Variants in CRIM1 observed in about 807,000 individuals in gnomAD.
CRIM1 encodes cysteine rich transmembrane BMP regulator 1, also known as cysteine-rich motor neuron 1 protein.
CRIM1 carries 32 observed loss-of-function variants against 116.4 expected under a neutral mutation model. The observed-to-expected ratio is 0.27, with a 90% CI of 0.21 to 0.37. The LOEUF (loss-of-function observed/expected upper bound fraction) is 0.37, where lower values mean the gene tolerates loss of function less well. Among genes scored for constraint, CRIM1 ranks in the 10% least tolerant of loss-of-function variants. CRIM1 has a pLI of 1.00. For synonymous variants in CRIM1, 590 were observed against 509.2 expected, an observed-to-expected ratio of 1.16 and a Z score of -2.13; for missense variants, 1,331 against 1,354.8, an observed-to-expected ratio of 0.98 and a Z score of 0.28.
intron 2 of CRIM1, among the ~76,000 whole-genome samples, chr2:36,421,950 C>G (rs1009501861): frequency 1.3e-5 from 2 of 151,724 alleles, no homozygotes; most frequent in South Asian, 2.1e-4. Flanking sequence ...GGAGTCATAC[C>G]TGATTAATAA....
intron 4 of CRIM1, among the ~76,000 whole-genome samples, chr2:36,449,925 G>C (rs966827545): frequency 6.6e-6 from 1 of 151,830 alleles, no homozygotes; most frequent in African/African-American, 2.4e-5. Context: ...TAAACTACTA[G>C]AGTAATGATT....
intron 2 of CRIM1, among the ~76,000 whole-genome samples, chr2:36,423,807 C>G (rs1674251359): frequency 6.6e-6 from 1 of 152,110 alleles, no homozygotes. Flanking sequence ...TACTTATGCA[C>G]CAGGTATTAG....
chr2:36,418,330 G>C (rs1673781460), intron 2 of CRIM1, among the ~76,000 whole-genome samples: 1 of 152,068 alleles, frequency 6.6e-6, no homozygotes, highest in Non-Finnish European at 1.5e-5. Flanking sequence ...TTTTGAGATG[G>C]TCTCGCTCTG....
chr2:36,379,764 TAAAG>T (rs1256300165), intron 1 of CRIM1, among the ~76,000 whole-genome samples: 439 of 146,378 alleles, frequency 3.0e-3, no homozygotes, highest in Middle Eastern at 0.018. Context: ...TTTTTTTTTT[TAAAG>T]AAAAGCAATT....
intron 1 of CRIM1, among the ~76,000 whole-genome samples, chr2:36,390,795 GCTCCTGATACTTATTTTTA>G (rs1671515761): frequency 6.6e-6 from 1 of 152,000 alleles, no homozygotes. Flanking sequence ...GAGAAAACTT[GCTCCTGATACTTATTTTTA>G]TTTATTTATT....
chr2:36,383,781 A>G (rs1187076647), intron 1 of CRIM1, among the ~76,000 whole-genome samples: 1 of 152,214 alleles, frequency 6.6e-6, no homozygotes, highest in Admixed American at 6.5e-5. Flanking sequence ...TGGTAGTAGC[A>G]GCTTTCTAGG....
At chr2:36,501,233 G>A (rs150678566) in intron 8 of CRIM1, among the ~76,000 whole-genome samples, 7 of 152,250 alleles carry the variant, frequency 4.6e-5, no homozygotes, top group Admixed American at 2.6e-4. Flanking sequence ...TGGACTTAAC[G>A]TAGACAGATG....
At chr2:36,379,893 A>G (rs771996745) in intron 1 of CRIM1, among the ~76,000 whole-genome samples, 2 of 147,920 alleles carry the variant, frequency 1.4e-5, no homozygotes, top group African/African-American at 2.5e-5. Flanking sequence ...ATTAAAAGCA[A>G]TGGTTTGGTT....
At chr2:36,510,564 A>C (rs1335498535) in intron 9 of CRIM1, among the ~76,000 whole-genome samples, 1 of 152,208 alleles carries the variant, frequency 6.6e-6, no homozygotes, top group Non-Finnish European at 1.5e-5. Flanking sequence ...CTTGAAATAC[A>C]GTGCATCCTT....
At chr2:36,434,913 G>A (rs575181442) in intron 2 of CRIM1, among the ~76,000 whole-genome samples, 21 of 152,242 alleles carry the variant, frequency 1.4e-4, no homozygotes, top group Middle Eastern at 3.4e-3. Flanking sequence ...TTTCATGCAA[G>A]CCTGTGTTGC....
intron 7 of CRIM1, among the ~76,000 whole-genome samples, chr2:36,480,195 C>A (rs770931677): frequency 1.6e-4 from 25 of 152,194 alleles, no homozygotes; most frequent in Non-Finnish European, 3.1e-4. Flanking sequence ...TGCAATTCCT[C>A]TAGTGCTGTT....
intron 9 of CRIM1, 39 bp downstream of exon 9, chr2:36,510,178 C>A (rs1185377417): frequency 6.3e-7 from 1 of 1,577,002 alleles, no homozygotes; most frequent in Non-Finnish European, 8.7e-7. Context: ...TTATGAAGTG[C>A]AACTTGGTGA....
intron 12 of CRIM1, among the ~76,000 whole-genome samples, chr2:36,521,300 T>G (rs747712017): frequency 2.0e-5 from 3 of 152,194 alleles, no homozygotes; most frequent in Non-Finnish European, 4.4e-5. Context: ...TGCATCCTTA[T>G]GAGTGATTTA....
At chr2:36,439,753 C>G (rs1274734007) in intron 2 of CRIM1, among the ~76,000 whole-genome samples, 1 of 152,216 alleles carries the variant, frequency 6.6e-6, no homozygotes, top group East Asian at 1.9e-4. Flanking sequence ...TCTAAGCATT[C>G]CAATTCCCTC....
At chr2:36,497,718 A>G (rs1572871617) in intron 7 of CRIM1, among the ~76,000 whole-genome samples, 1 of 152,188 alleles carries the variant, frequency 6.6e-6, no homozygotes, top group African/African-American at 2.4e-5. Context: ...CTTGATACAT[A>G]TTTTTACTGG....
intron 14 of CRIM1, among the ~76,000 whole-genome samples, chr2:36,539,272 T>A (rs1233401778): frequency 1.3e-5 from 2 of 152,122 alleles, no homozygotes; most frequent in Admixed American, 6.5e-5. Flanking sequence ...GCAGAACCTC[T>A]GGGTATAGCC....
chr2:36,393,335 A>C (rs944506011), intron 1 of CRIM1, among the ~76,000 whole-genome samples: 1 of 151,988 alleles, frequency 6.6e-6, no homozygotes, highest in Admixed American at 6.5e-5. Flanking sequence ...CATGTTCTTT[A>C]TATTATCTTG....
intron 4 of CRIM1, among the ~76,000 whole-genome samples, chr2:36,462,685 T>C (rs1677675766): frequency 6.6e-6 from 1 of 152,120 alleles, no homozygotes; most frequent in Admixed American, 6.5e-5. Context: ...GATGCTTTCA[T>C]TGTAATCACA....
chr2:36,386,574 G>C (rs1281529248), intron 1 of CRIM1, among the ~76,000 whole-genome samples: 1 of 152,294 alleles, frequency 6.6e-6, no homozygotes, highest in African/African-American at 2.4e-5. Flanking sequence ...TTAAATTCAT[G>C]TGCTCGTCCT....
Sources: gnomAD v4.1 joint callset for allele counts (sites outside exome capture counted in the v4.1 genomes callset) on GRCh38, gnomAD v4.1.1 for gene constraint, MANE v1.5 for transcripts, NCBI Gene and HGNC (gene_info 2026-07-23, HGNC 2026-07-21) for gene names.